CAST: variants seen among roughly 807,000 people sequenced by gnomAD.
The protein encoded by CAST is MIR583 host.
A neutral mutation model predicts 119.6 loss-of-function variants in CAST; 76 were observed. The ratio of observed to expected loss-of-function variants is 0.64; its 90% CI spans 0.53 to 0.77. CAST has a LOEUF of 0.77. Among genes scored for constraint, CAST ranks in the 30% least tolerant of loss-of-function variants. CAST has a pLI of 0.00. For missense variants in CAST, 953 were observed against 946.5 expected (o/e 1.01, Z -0.09); for synonymous variants, 319 against 331.6 (o/e 0.96, Z 0.41).
At chr5:96,421,548 T>C in the CAST span, among the ~76,000 whole-genome samples, 2 of 152,196 alleles carry the variant, frequency 1.3e-5, no homozygotes, top group African/African-American at 4.8e-5. Context: ...GAGTAAAAGA[T>C]TCATAGAGGA....
chr5:96,204,221 C>T, the CAST span, among the ~76,000 whole-genome samples: 1 of 151,910 alleles, frequency 6.6e-6, no homozygotes, highest in Non-Finnish European at 1.5e-5. Flanking sequence ...GAAACTGGCC[C>T]CTTCCCTCAT....
chr5:96,239,204 T>G, the CAST span, among the ~76,000 whole-genome samples: 1 of 152,162 alleles, frequency 6.6e-6, no homozygotes. Flanking sequence ...TGCCCAATTA[T>G]GCAATGACTT....
At chr5:96,099,129 G>A in the CAST span, among the ~76,000 whole-genome samples, 2 of 152,150 alleles carry the variant, frequency 1.3e-5, no homozygotes, top group Non-Finnish European at 2.9e-5. Flanking sequence ...TGGCCGGACT[G>A]TTGTTGGTGT....
upstream of CAST, among the ~76,000 whole-genome samples, chr5:96,525,944 G>C (rs1040061594): frequency 6.6e-6 from 1 of 152,152 alleles, no homozygotes; most frequent in African/African-American, 2.4e-5. Flanking sequence ...TTGGTCCAGA[G>C]TGTGGGTGTA....
chr5:96,181,532 A>G, the CAST span, among the ~76,000 whole-genome samples: 2 of 152,214 alleles, frequency 1.3e-5, no homozygotes. Flanking sequence ...TTTTCTCTCC[A>G]TTGCGTAGCT....
At chr5:96,316,922 A>G in the CAST span, among the ~76,000 whole-genome samples, 1 of 152,208 alleles carries the variant, frequency 6.6e-6, no homozygotes, top group Non-Finnish European at 1.5e-5. Flanking sequence ...TATTACACAT[A>G]AGATCTCTGT....
chr5:96,364,928 T>G, the CAST span, among the ~76,000 whole-genome samples: 1 of 152,250 alleles, frequency 6.6e-6, no homozygotes, highest in Non-Finnish European at 1.5e-5. Flanking sequence ...GGTGTCAATT[T>G]TAGATCTTTC....
the CAST span, among the ~76,000 whole-genome samples, chr5:96,016,829 GTTTTTTTTT>G: frequency 2.0e-5 from 2 of 97,662 alleles, no homozygotes; most frequent in Admixed American, 1.3e-4. Context: ...GGTTATCTGG[GTTTTTTTTT>G]TTTTTTTTTT....
At chr5:96,014,770 G>A in the CAST span, among the ~76,000 whole-genome samples, 1 of 152,142 alleles carries the variant, frequency 6.6e-6, no homozygotes. Flanking sequence ...ATGCAGATGG[G>A]ATTTTAATAA....
chr5:96,078,081 T>C, the CAST span, among the ~76,000 whole-genome samples: 1 of 152,206 alleles, frequency 6.6e-6, no homozygotes, highest in African/African-American at 2.4e-5. Flanking sequence ...ATCCTGCTTC[T>C]TGCTGTGCCC....
chr5:96,289,513 T>C, the CAST span, among the ~76,000 whole-genome samples: 2 of 152,190 alleles, frequency 1.3e-5, no homozygotes, highest in African/African-American at 2.4e-5. Context: ...GGGAAACCCC[T>C]TTCACTTGGT....
chr5:96,111,206 A>G, the CAST span, among the ~76,000 whole-genome samples: 337 of 152,336 alleles, frequency 2.2e-3, no homozygotes, highest in African/African-American at 7.7e-3. Flanking sequence ...TATAAAGGAT[A>G]TTCTAAAGGA....
At chr5:96,030,290 A>T in the CAST span, among the ~76,000 whole-genome samples, 1 of 152,182 alleles carries the variant, frequency 6.6e-6, no homozygotes, top group South Asian at 2.1e-4. Context: ...GGATGATAGA[A>T]CATATTTTAG....
chr5:96,364,139 T>A, the CAST span, among the ~76,000 whole-genome samples: 1 of 152,218 alleles, frequency 6.6e-6, no homozygotes, highest in Non-Finnish European at 1.5e-5. Context: ...TTACATTTAC[T>A]GATTTTCGTA....
chr5:96,467,227 A>T, the CAST span, among the ~76,000 whole-genome samples: 1 of 151,546 alleles, frequency 6.6e-6, no homozygotes, highest in African/African-American at 2.4e-5. Flanking sequence ...TACATTAGGG[A>T]TGTTAGTCCT....
At chr5:96,233,213 A>G in the CAST span, among the ~76,000 whole-genome samples, 2 of 152,078 alleles carry the variant, frequency 1.3e-5, no homozygotes, top group Non-Finnish European at 2.9e-5. Context: ...ACCCCAAAAT[A>G]CTATTTTAAT....
upstream of CAST, among the ~76,000 whole-genome samples, chr5:96,524,794 C>T (rs1277438800): frequency 6.6e-6 from 1 of 152,180 alleles, no homozygotes; most frequent in Non-Finnish European, 1.5e-5. Flanking sequence ...CAGACAGAAG[C>T]TTAGGGAGAA....
chr5:96,010,049 A>T, the CAST span, among the ~76,000 whole-genome samples: 2 of 152,110 alleles, frequency 1.3e-5, no homozygotes, highest in Non-Finnish European at 2.9e-5. Flanking sequence ...TTGAATAGAG[A>T]ATCCTTTCCC....
the CAST span, among the ~76,000 whole-genome samples, chr5:96,223,601 A>C: frequency 6.6e-6 from 1 of 152,138 alleles, no homozygotes; most frequent in Admixed American, 6.6e-5. Flanking sequence ...TAGACTTTAG[A>C]CTTTACACTT....
Sources: gnomAD v4.1 joint callset for allele counts (sites outside exome capture counted in the v4.1 genomes callset) on GRCh38, gnomAD v4.1.1 for gene constraint, MANE v1.5 for transcripts, NCBI Gene and HGNC (gene_info 2026-07-23, HGNC 2026-07-21) for gene names.